The following PPM1L variants were observed in gnomAD, a reference collection of about 807,000 sequenced individuals.
The protein encoded by PPM1L is protein phosphatase, Mg2+/Mn2+ dependent 1L, also known as protein phosphatase 1L.
In PPM1L, 13 loss-of-function variants were observed where a neutral mutation model predicts 31.4. The ratio of observed to expected loss-of-function variants is 0.41; its 90% CI spans 0.27 to 0.66. The LOEUF (loss-of-function observed/expected upper bound fraction) is 0.66. PPM1L is among the 30% of genes least tolerant of loss of function. The probability of loss-of-function intolerance (pLI) is 0.29; values close to 1 mark genes in which losing one functional copy is unlikely to be tolerated. For synonymous variants in PPM1L, 184 were observed against 175.4 expected (o/e 1.05, Z -0.39); for missense variants, 326 against 453.7 (o/e 0.72, Z 2.56).
chr3:161,051,373 TACACACAC>T lies in PPM1L; in HGVS notation c.575-14006_575-13999del, dbSNP rs5853922. Reference sequence around the variant, plus strand: ...AAGGAACACAGAACCATTTAGTCACTACACACACACACACACACACACACACACACAAC... The same window carrying T: ...AAGGAACACAGAACCATTTAGTCACTACACACACACACACACACACACAAC... On this transcript the variant is annotated intron_variant, in intron 2 of 3. Coordinates refer to ENST00000498165, the MANE Select transcript of PPM1L (RefSeq NM_139245.4). Among the ~76,000 whole-genome samples, 1,404 of 147,446 alleles carry T rather than the reference TACACACAC, an allele frequency of 9.5e-3. 34 individuals carry two copies. The highest frequency in any genetic ancestry group is 0.033 in the African/African-American group (1,333 of 40,130).
At chr3:160,800,774 A>G (rs567185423) in intron 1 of PPM1L, among the ~76,000 whole-genome samples, 1 of 152,158 alleles carries the variant, frequency 6.6e-6, no homozygotes, top group African/African-American at 2.4e-5. Flanking sequence ...GCTCTCTTGG[A>G]TTAATAATGT....
intron 2 of PPM1L, among the ~76,000 whole-genome samples, chr3:160,993,605 A>G (rs564994084): frequency 6.6e-6 from 1 of 152,268 alleles, no homozygotes; most frequent in East Asian, 1.9e-4. Context: ...GAACTAGTTC[A>G]TGGGCCTCAG....
At chr3:160,985,981 C>CCAA (rs1553752452) in intron 2 of PPM1L, among the ~76,000 whole-genome samples, 2,197 of 149,018 alleles carry the variant, frequency 0.015, 56 homozygotes, top group African/African-American at 0.046. Context: ...TCCACCCACC[C>CCAA]AAAAAAAAAA....
At chr3:161,058,265 C>T (rs1223289345) in intron 2 of PPM1L, among the ~76,000 whole-genome samples, 2 of 151,336 alleles carry the variant, frequency 1.3e-5, no homozygotes, top group Non-Finnish European at 2.9e-5. Context: ...ACTGGGATTA[C>T]AGGCATGTGC....
intron 1 of PPM1L, among the ~76,000 whole-genome samples, chr3:160,823,433 A>G (rs1391160600): frequency 1.3e-5 from 2 of 150,728 alleles, no homozygotes; most frequent in African/African-American, 4.9e-5. Context: ...GGCTGGTCTC[A>G]AATTCCTGAC....
In PPM1L at chr3:160,879,800, A is replaced by G. The variant is rs138304492; in HGVS notation, c.400-81936A>G. 4.1e-3 allele frequency among the ~76,000 whole-genome samples: 627 copies of G among 152,246 alleles called. 24 individuals are homozygous for G. The highest frequency in any genetic ancestry group is 0.039 in the Admixed American group (593 of 15,296). The stretch of plus-strand genomic sequence containing the variant: ...TGCAGCTTGATAATTTGGATTTCTA[A>G]TAAGTTTTCAGCTGGTGCTTATGCT... On this transcript the variant is annotated intron_variant, in intron 1 of 3. Transcript: ENST00000498165.
chr3:160,842,067 A>G, intron 1 of PPM1L: 1 of 486,090 alleles, frequency 2.1e-6, no homozygotes. Context: ...TAAATAGGAG[A>G]GTTTATGATG....
At chr3:160,980,706 G>T (rs569644510) in intron 2 of PPM1L, among the ~76,000 whole-genome samples, 1 of 15,016 alleles carries the variant, frequency 6.7e-5, no homozygotes, top group Non-Finnish European at 1.1e-4. Flanking sequence ...GAAAGAGAGA[G>T]AAAAAAAAAG....
Position 160,756,489 on chromosome 3 carries a change from G to A in PPM1L, c.181G>A (p.Gly61Ser), listed in dbSNP as rs750147761. ...CCGGGACGCCGTGAAGATGGTGAAG[G>A]GCAAGGTAGCCGAGATCATGCAGAA... Reference protein sequence around the residue: ...SSRDAVKMVKGKVAEIMQNDR... With the variant: ...SSRDAVKMVKSKVAEIMQNDR... The change falls in exon 1 of 4, where the codon GGC (glycine) becomes AGC (serine). Residue 61 changes from glycine to serine, a missense_variant. By Grantham distance (56) the Gly-to-Ser change is moderately conservative. Coordinates refer to ENST00000498165, the MANE Select transcript of PPM1L (RefSeq NM_139245.4). The surrounding 1 kb of genome is among the most constrained non-coding windows in gnomAD (Gnocchi z 6.2). 3 of 1,614,066 alleles carry A rather than the reference G, an allele frequency of 1.9e-6. No homozygotes were observed. The highest frequency in any genetic ancestry group is 2.7e-5 in the African/African-American group (2 of 74,916).
chr3:160,815,014 G>A (rs902621689), intron 1 of PPM1L, among the ~76,000 whole-genome samples: 1 of 152,068 alleles, frequency 6.6e-6, no homozygotes, highest in Non-Finnish European at 1.5e-5. Context: ...TAGGGTAGAA[G>A]GAGGGTGAGG....
At chr3:160,771,133 G>C (rs931680399) in intron 1 of PPM1L, among the ~76,000 whole-genome samples, 1 of 152,114 alleles carries the variant, frequency 6.6e-6, no homozygotes, top group Non-Finnish European at 1.5e-5. Flanking sequence ...TGTTTTAAAT[G>C]ATATAGAAGA....
intron 2 of PPM1L, among the ~76,000 whole-genome samples, chr3:161,005,331 GA>G (rs1035759848): frequency 1.3e-5 from 2 of 152,058 alleles, no homozygotes; most frequent in African/African-American, 4.8e-5. Context: ...TAGTTTCTAT[GA>G]AAAAACAAAG....
intron 2 of PPM1L, among the ~76,000 whole-genome samples, chr3:160,990,800 A>G (rs907119089): frequency 1.3e-5 from 2 of 152,186 alleles, no homozygotes; most frequent in African/African-American, 2.4e-5. Flanking sequence ...CACTTCTACT[A>G]TTTGCAAGTT....
At chr3:160,842,839 T>C (rs1049385941) in intron 1 of PPM1L, among the ~76,000 whole-genome samples, 3 of 152,216 alleles carry the variant, frequency 2.0e-5, no homozygotes, top group South Asian at 2.1e-4. Context: ...TTTTAAAATC[T>C]GATTCTAAAT....
In PPM1L at chr3:160,971,294, T is replaced by G. The variant is rs183542523; in HGVS notation, c.574+9384T>G. Among the ~76,000 whole-genome samples, 226 of 152,360 alleles carry G rather than the reference T, an allele frequency of 1.5e-3. 1 individual carries two copies. The highest frequency in any genetic ancestry group is 4.5e-3 in the Admixed American group (69 of 15,306). ...GTCGTAACAATGTGTGATTTTTGTCTGTTTATTTAACAGTTATTGGTTCAT... is the reference window on the plus strand; with the variant it reads ...GTCGTAACAATGTGTGATTTTTGTCGGTTTATTTAACAGTTATTGGTTCAT... On this transcript the variant is annotated intron_variant, in intron 2 of 3. Transcript: ENST00000498165.
rs1720032831 is a variant in PPM1L, at chr3:161,074,292, G to A, written c.*5135G>A. The A allele has an allele frequency of 6.6e-6, 1 of 152,092 alleles. No homozygotes were observed. Among genetic ancestry groups the A allele is most frequent in the Non-Finnish European group, 1.5e-5 (1 of 68,030 alleles). The allele number at this position is 152,092 out of a possible 1,614,324, so 9.4% of individuals were successfully genotyped here. A position where few individuals can be genotyped will look rare whatever the true frequency, so the allele number is the denominator to read the frequency against. ...AGTTAAGTTTGGCATGTTATCTCTT[G>A]CCTAAAATGTGAGGCCTTCCTGTAG... On this transcript the variant is annotated 3_prime_UTR_variant, in exon 4 of 4. Transcript: ENST00000498165.
chr3:161,056,384 G>A (rs78132172), intron 2 of PPM1L, among the ~76,000 whole-genome samples: 1,789 of 152,232 alleles, frequency 0.012, 48 homozygotes, highest in African/African-American at 0.041. Context: ...TAACGGGATT[G>A]TAAGTTCTAT....
At chr3:160,932,578 T>A (rs1050503982) in intron 1 of PPM1L, among the ~76,000 whole-genome samples, 1 of 152,204 alleles carries the variant, frequency 6.6e-6, no homozygotes, top group African/African-American at 2.4e-5. Context: ...ATCTTCACAT[T>A]TGATAAATGA....
chr3:161,043,019 C>CA (rs746897902), intron 2 of PPM1L, among the ~76,000 whole-genome samples: 1,756 of 107,376 alleles, frequency 0.016, 15 homozygotes, highest in African/African-American at 0.018. Context: ...GATTCTGTCT[C>CA]AAAAAAAAAA....
Sources: allele counts gnomAD v4.1 joint callset (sites outside exome capture counted in the v4.1 genomes callset), GRCh38; gene constraint gnomAD v4.1.1; non-coding constraint Gnocchi (gnomAD v3.1); transcripts MANE v1.5; gene names NCBI Gene and HGNC (gene_info 2026-07-23, HGNC 2026-07-21).